Variants in NRG3 observed in about 807,000 individuals in gnomAD.
NRG3 encodes the protein neuregulin 3.
A neutral mutation model predicts 66.9 loss-of-function variants in NRG3; 31 were observed. The ratio of observed to expected loss-of-function variants is 0.46; its 90% CI spans 0.35 to 0.63. The LOEUF (loss-of-function observed/expected upper bound fraction) is 0.63, where lower values mean the gene tolerates loss of function less well. Ranked by LOEUF, NRG3 falls within the 20% of genes least tolerant of loss-of-function variation. The pLI, the probability that NRG3 is intolerant of heterozygous loss-of-function variation, is 0.00. For synonymous variants in NRG3, 393 were observed against 359.4 expected, an observed-to-expected ratio of 1.09 and a Z score of -1.06; for missense variants, 910 against 878.9, an observed-to-expected ratio of 1.04 and a Z score of -0.45.
In NRG3 at chr10:81,918,919, C is replaced by A. The variant is rs551517894; in HGVS notation, c.823+42756C>A. Among the ~76,000 whole-genome samples, 8 of 151,550 alleles carry A rather than the reference C, an allele frequency of 5.3e-5. No homozygotes were observed. In the South Asian group the frequency reaches 1.7e-3, roughly 32 times the overall value. ...GAAATACATCTGGTGTTTAACAACA[C>A]ATTGCTTATTTATTTATTTATTTCA... On this transcript the variant is annotated intron_variant, in intron 1 of 8. Coordinates refer to ENST00000372141, the MANE Select transcript of NRG3 (RefSeq NM_001010848.4).
chr10:82,175,010 G>A (rs1421518702), intron 1 of NRG3, among the ~76,000 whole-genome samples: 2 of 151,832 alleles, frequency 1.3e-5, no homozygotes, highest in Admixed American at 6.6e-5. Context: ...ATGGTTAATT[G>A]TCCTACCATA....
intron 1 of NRG3, among the ~76,000 whole-genome samples, chr10:82,086,009 C>T (rs2065703429): frequency 2.0e-5 from 3 of 152,018 alleles, no homozygotes; most frequent in Admixed American, 2.0e-4. Context: ...AACAAATGAC[C>T]TTTTAAAAGG....
At chr10:82,053,329 A>G (rs1589929088) in intron 1 of NRG3, among the ~76,000 whole-genome samples, 1 of 152,110 alleles carries the variant, frequency 6.6e-6, no homozygotes, top group East Asian at 1.9e-4. Flanking sequence ...GGATTGTGGG[A>G]GTCGATGGTT....
chr10:82,950,812 C>T (rs1204925728), intron 4 of NRG3, among the ~76,000 whole-genome samples: 1 of 152,146 alleles, frequency 6.6e-6, no homozygotes, highest in African/African-American at 2.4e-5. Flanking sequence ...ATGGTAGTGG[C>T]TACAGAGTGA....
intron 3 of NRG3, among the ~76,000 whole-genome samples, chr10:82,746,288 G>C (rs888578296): frequency 9.9e-5 from 15 of 152,276 alleles, no homozygotes; most frequent in Middle Eastern, 3.4e-3. Flanking sequence ...GTTTGGGTCT[G>C]TCTGCCCAGC....
Position 82,061,546 on chromosome 10 carries a change from G to A in NRG3, c.823+185383G>A, listed in dbSNP as rs548656518. On this transcript the variant is annotated intron_variant, in intron 1 of 8. Transcript: ENST00000372141. ...CTGGTCCCCTCTACCTCCAGCTCCC[G>A]TGCTGTGGTCATTGCTGCCCTTCAA... Among the ~76,000 whole-genome samples, 63 of 152,092 alleles carry A rather than the reference G, an allele frequency of 4.1e-4. 1 individual carries two copies. In the South Asian group the frequency reaches 0.012, roughly 28 times the overall value.
At chr10:82,320,758 C>G (rs2081527482) in intron 1 of NRG3, among the ~76,000 whole-genome samples, 1 of 152,112 alleles carries the variant, frequency 6.6e-6, no homozygotes. Flanking sequence ...CCAGCAAAGT[C>G]CCCAACCCCA....
At chr10:81,929,636 GT>G (rs1325950861) in intron 1 of NRG3, among the ~76,000 whole-genome samples, 1 of 152,146 alleles carries the variant, frequency 6.6e-6, no homozygotes, top group Non-Finnish European at 1.5e-5. Context: ...TAGCATGCCT[GT>G]TCCCTTGAAC....
At chr10:81,922,684 G>T (rs1465745365) in intron 1 of NRG3, among the ~76,000 whole-genome samples, 1 of 152,288 alleles carries the variant, frequency 6.6e-6, no homozygotes, top group African/African-American at 2.4e-5. Flanking sequence ...GTGGGCATCA[G>T]TTGATGCTAG....
At chr10:82,974,196 AT>A (rs1478151680) in intron 7 of NRG3, among the ~76,000 whole-genome samples, 1 of 152,142 alleles carries the variant, frequency 6.6e-6, no homozygotes, top group Non-Finnish European at 1.5e-5. Flanking sequence ...CTGAAAAACT[AT>A]TTTAAAAAAT....
chr10:82,949,613 G>A (rs1849328779), intron 4 of NRG3, among the ~76,000 whole-genome samples: 1 of 152,144 alleles, frequency 6.6e-6, no homozygotes, highest in Admixed American at 6.5e-5. Context: ...CCAGCACTTT[G>A]GGAGGCCGAG....
intron 1 of NRG3, among the ~76,000 whole-genome samples, chr10:81,890,368 TG>T (rs1842921659): frequency 6.6e-6 from 1 of 152,200 alleles, no homozygotes; most frequent in African/African-American, 2.4e-5. Flanking sequence ...CTGTTACCAG[TG>T]GTAAGAATTT....
chr10:82,656,308 CTTTTTT>C (rs3040205), intron 2 of NRG3, among the ~76,000 whole-genome samples: 52 of 132,006 alleles, frequency 3.9e-4, no homozygotes, highest in African/African-American at 1.1e-3. Context: ...TTTCTTTTTT[CTTTTTT>C]TTTTTTTTTT....
intron 2 of NRG3, among the ~76,000 whole-genome samples, chr10:82,530,220 G>T (rs1341009474): frequency 1.3e-5 from 2 of 152,176 alleles, no homozygotes; most frequent in South Asian, 2.1e-4. Flanking sequence ...CTTGTGTCAT[G>T]ATAAAGGCAA....
intron 1 of NRG3, among the ~76,000 whole-genome samples, chr10:82,322,163 G>T (rs1393891446): frequency 1.3e-5 from 2 of 152,152 alleles, no homozygotes; most frequent in East Asian, 1.9e-4. Flanking sequence ...ATCAAAATAC[G>T]AATGCCTTGC....
Position 82,967,013 on chromosome 10 carries a change from GA to G in NRG3, c.1285-6772del, listed in dbSNP as rs1354004986. 2.0e-5 allele frequency among the ~76,000 whole-genome samples: 3 copies of G among 151,654 alleles called. No individual in the cohort carries two copies. In the East Asian group the frequency reaches 5.8e-4, roughly 29 times the overall value. ...TTCTAGAATCAGCCATTTCTCCATG[GA>G]AATAGCTAGTTTCTTTCTTTGCAGA... On this transcript the variant is annotated intron_variant, in intron 6 of 8. Coordinates refer to ENST00000372141, the MANE Select transcript of NRG3 (RefSeq NM_001010848.4).
rs1554884240 is a variant in NRG3, at chr10:82,321,309, G to GGGGC, written c.824-37427_824-37426insCGGG. Among the ~76,000 whole-genome samples the GGGGC allele has an allele frequency of 3.3e-5, 5 of 151,410 alleles. No homozygotes were observed. In the East Asian group the frequency reaches 7.8e-4, roughly 24 times the overall value. On this transcript the variant is annotated intron_variant, in intron 1 of 8. Transcript: ENST00000372141. ...ACATCCTGTGGCAGGGGTGGGGGTG[G>GGGGC]GGGTCAGGGAACTCTCCTGTTTCAC...
At chr10:82,874,004 G>T (rs1349434474) in intron 4 of NRG3, among the ~76,000 whole-genome samples, 1 of 149,124 alleles carries the variant, frequency 6.7e-6, no homozygotes, top group African/African-American at 2.5e-5. Flanking sequence ...TATTTTTTAA[G>T]TTAAAAAAAA....
intron 1 of NRG3, among the ~76,000 whole-genome samples, chr10:82,332,816 A>C (rs2135290752): frequency 6.6e-6 from 1 of 152,320 alleles, no homozygotes; most frequent in East Asian, 1.9e-4. Context: ...ACTGATACTT[A>C]TGATCCAAAA....
Sources: gnomAD v4.1 joint callset for allele counts (sites outside exome capture counted in the v4.1 genomes callset) on GRCh38, gnomAD v4.1.1 for gene constraint, MANE v1.5 for transcripts, NCBI Gene and HGNC (gene_info 2026-07-23, HGNC 2026-07-21) for gene names.